CMC1: variants seen among roughly 807,000 people sequenced by gnomAD.
CMC1 encodes COX assembly mitochondrial protein homolog.
A neutral mutation model predicts 14.1 loss-of-function variants in CMC1; 14 were observed. The observed-to-expected ratio is 0.99, with a 90% CI of 0.66 to 1.55. CMC1 has a LOEUF of 1.55. Among genes scored for constraint, CMC1 ranks in the 40% most tolerant of loss-of-function variants. The pLI is 0.00. For synonymous variants in CMC1, 50 were observed against 38.4 expected, an observed-to-expected ratio of 1.30 and a Z score of -1.12; for missense variants, 127 against 123.8, an observed-to-expected ratio of 1.03 and a Z score of -0.12.
At chr3:28,266,966 A>G (rs915749544) in intron 2 of CMC1, among the ~76,000 whole-genome samples, 2 of 152,118 alleles carry the variant, frequency 1.3e-5, no homozygotes, top group African/African-American at 4.8e-5. Flanking sequence ...TCGCTTTCTT[A>G]CTTCCTCCCA....
At chr3:28,241,900 A>G in intron 1 of CMC1, 88 bp downstream of exon 1, 3 of 1,196,516 alleles carry the variant, frequency 2.5e-6, no homozygotes, top group Non-Finnish European at 3.1e-6. Context: ...GACCTGGGAA[A>G]GGTGCAGAGC....
At chr3:28,319,156 T>G (rs1454135521) in intron 3 of CMC1, 3 of 438,174 alleles carry the variant, frequency 6.8e-6, no homozygotes, top group African/African-American at 6.1e-5. Context: ...TTGAAACCTC[T>G]GCCCTCCCCA....
rs113652274 is a variant in CMC1 at position 28,319,618 on chromosome 3, A to G, written c.310A>G (p.Thr104Ala). The change falls in exon 4 of 4, where the codon ACA becomes GCA. Residue 104 changes from threonine to alanine, a missense_variant. Transcript: ENST00000466830. ...AAAGAAAAGGCTACAGAAGCTTCCA[A>G]CAAGCATGTAGGCAGATACTCAAAT... Reference protein sequence around the residue: ...PTKKRLQKLPTSM With the variant: ...PTKKRLQKLPASM 8.1e-6 allele frequency: 13 copies of G among 1,606,036 alleles called. No individual in the cohort carries two copies. The highest frequency in any genetic ancestry group is 8.1e-5 in the African/African-American group (6 of 74,446).
chr3:28,251,648 A>G (rs1476007467), intron 1 of CMC1, among the ~76,000 whole-genome samples: 6 of 152,244 alleles, frequency 3.9e-5, no homozygotes, highest in African/African-American at 1.4e-4. Flanking sequence ...AAATAAGTGA[A>G]AAACCCTTCA....
rs139033170 is a variant in CMC1, at chr3:28,251,995, A to G, written c.19+10183A>G. Among the ~76,000 whole-genome samples, 866 of 152,364 alleles carry G rather than the reference A, an allele frequency of 5.7e-3. 6 individuals are homozygous for G. Among genetic ancestry groups the G allele is most frequent in the Non-Finnish European group, 8.7e-3 (595 of 68,040 alleles). Reference sequence around the variant, plus strand: ...AGACAGTCTTGAAGTTTTACCAAATAAAGTAAATGTGAAACTTGTTCATTT... The same window carrying G: ...AGACAGTCTTGAAGTTTTACCAAATGAAGTAAATGTGAAACTTGTTCATTT... On this transcript the variant is annotated intron_variant, in intron 1 of 3. Transcript: ENST00000466830.
intron 2 of CMC1, chr3:28,292,740 G>A (rs1198615843): frequency 6.6e-6 from 1 of 152,140 alleles, no homozygotes; most frequent in African/African-American, 2.4e-5. Flanking sequence ...CTGTAGGAAT[G>A]TACTTATTTG....
intron 3 of CMC1, chr3:28,316,854 A>G: frequency 6.6e-6 from 1 of 152,342 alleles, no homozygotes; most frequent in East Asian, 1.9e-4. Flanking sequence ...TATGGATGAT[A>G]AAAAGGTAAA....
chr3:28,276,153 T>A (rs1160670729), intron 2 of CMC1, among the ~76,000 whole-genome samples: 1 of 151,950 alleles, frequency 6.6e-6, no homozygotes, highest in Admixed American at 6.6e-5. Context: ...GATACCTCAA[T>A]TCCCAGTGCA....
intron 2 of CMC1, among the ~76,000 whole-genome samples, chr3:28,275,073 C>T (rs1700505324): frequency 2.6e-5 from 4 of 152,142 alleles, no homozygotes; most frequent in Admixed American, 2.6e-4. Context: ...TATTGCCCAT[C>T]TTCTGAAGCC....
At chr3:28,312,797 A>G (rs796117777) in intron 2 of CMC1, among the ~76,000 whole-genome samples, 35 of 152,298 alleles carry the variant, frequency 2.3e-4, no homozygotes, top group African/African-American at 8.4e-4. Context: ...AGAAGACTTT[A>G]TCTCTTTATG....
At chr3:28,241,955 C>G (rs1338901356) in intron 1 of CMC1, 143 bp downstream of exon 1, 1 of 807,728 alleles carries the variant, frequency 1.2e-6, no homozygotes, top group Non-Finnish European at 1.7e-6. Flanking sequence ...TACCCGGCGG[C>G]TGCTTCGCCC....
At chr3:28,258,085 T>TATATATATATATATAC (rs1481573780) in intron 1 of CMC1, among the ~76,000 whole-genome samples, 2 of 144,918 alleles carry the variant, frequency 1.4e-5, no homozygotes, top group African/African-American at 5.0e-5. Context: ...TATATATATA[T>TATATATATATATATAC]ACTTACAATT....
At position 28,274,212 on chromosome 3, in the gene CMC1, G is replaced by GTTTTTTTTTTTTT. The variant is rs376321066; in HGVS notation, c.109+10839_109+10840insTTTTTTTTTTTTT. On this transcript the variant is annotated intron_variant, in intron 2 of 3. Coordinates refer to ENST00000466830, the MANE Select transcript of CMC1 (RefSeq NM_182523.2). ...TTGGTCTTTGTACTAAAGTGTTTTTGTTTTTTTCTTTTTTTTTTTTTTTGC... is the reference window on the plus strand; with the variant it reads ...TTGGTCTTTGTACTAAAGTGTTTTTGTTTTTTTTTTTTTTTTTTTTCTTTTTTTTTTTTTTTGC... 1.2e-3 allele frequency among the ~76,000 whole-genome samples: 105 copies of GTTTTTTTTTTTTT among 88,038 alleles called. 6 individuals carry two copies. Among genetic ancestry groups the GTTTTTTTTTTTTT allele is most frequent in the Non-Finnish European group, 1.4e-3 (67 of 46,284 alleles). 57.8% of individuals were successfully genotyped at this position (88,038 alleles called of 152,430 possible).
chr3:28,323,984 G>T lies in CMC1; in HGVS notation c.*4355G>T. The T allele has an allele frequency of 6.7e-7, 1 of 1,492,304 alleles. No individual in the cohort carries two copies. The highest frequency in any genetic ancestry group is 1.3e-5 in the South Asian group (1 of 76,086). 92.4% of individuals were successfully genotyped at this position (1,492,304 alleles called of 1,614,324 possible). On this transcript the variant is annotated 3_prime_UTR_variant, in exon 4 of 4. Coordinates refer to ENST00000466830, the MANE Select transcript of CMC1 (RefSeq NM_182523.2). ...CTTTCAGTTTGTTAAATAATTTCTT[G>T]GGAGGACCACTGAAAGAGATAAGTG...
At chr3:28,253,624 C>A in intron 1 of CMC1, 20 of 520,202 alleles carry the variant, frequency 3.8e-5, no homozygotes, top group South Asian at 1.0e-4. Context: ...AAAAACTCCC[C>A]CCAAAAAGCT....
Position 28,323,308 on chromosome 3 carries a change from A to AG in CMC1, c.*3682dup, listed in dbSNP as rs1013343328. On this transcript the variant is annotated 3_prime_UTR_variant, in exon 4 of 4. Coordinates refer to ENST00000466830, the MANE Select transcript of CMC1 (RefSeq NM_182523.2). ...TTCTACTACTTATTGAATAGTGTGTAGGGTTACAATCATTTGTTTACACCC... is the reference window on the plus strand; with the variant it reads ...TTCTACTACTTATTGAATAGTGTGTAGGGGTTACAATCATTTGTTTACACCC... 1 of 150,550 alleles carries AG rather than the reference A, an allele frequency of 6.6e-6. No homozygotes were observed. Among genetic ancestry groups the AG allele is most frequent in the Non-Finnish European group, 1.5e-5 (1 of 67,122 alleles). The allele number at this position is 150,550 out of a possible 1,614,324, so 9.3% of individuals were successfully genotyped here.
At chr3:28,305,363 TTG>T (rs1296556108) in intron 2 of CMC1, among the ~76,000 whole-genome samples, 1 of 152,226 alleles carries the variant, frequency 6.6e-6, no homozygotes, top group African/African-American at 2.4e-5. Context: ...AACTTTGCTG[TTG>T]TGAGTAGTGC....
At chr3:28,274,220 C>CTTTTTTTTTTTTTTTTTTTTTT (rs544985268) in intron 2 of CMC1, among the ~76,000 whole-genome samples, 1 of 112,324 alleles carries the variant, frequency 8.9e-6, no homozygotes. Context: ...TTGTTTTTTT[C>CTTTTTTTTTTTTTTTTTTTTTT]TTTTTTTTTT....
chr3:28,292,083 G>A (rs760532256), intron 2 of CMC1: 4 of 151,974 alleles, frequency 2.6e-5, no homozygotes, highest in Non-Finnish European at 2.9e-5. Context: ...TGTTTTTAGC[G>A]GGAATTTGCA....
Sources: allele counts gnomAD v4.1 joint callset (sites outside exome capture counted in the v4.1 genomes callset), GRCh38; gene constraint gnomAD v4.1.1; transcripts MANE v1.5; gene names NCBI Gene and HGNC (gene_info 2026-07-23, HGNC 2026-07-21).